The following CDH18 variants were observed in gnomAD, a reference collection of about 807,000 sequenced individuals.
CDH18 encodes the protein cadherin-18.
In CDH18, 31 loss-of-function variants were observed where a neutral mutation model predicts 67.9. That is an observed-to-expected ratio of 0.46 (90% CI 0.34 to 0.62). The LOEUF is 0.62. CDH18 is among the 20% of genes least tolerant of loss of function. The pLI is 0.01. For missense variants in CDH18, 890 were observed against 975.5 expected (o/e 0.91, Z 1.17); for synonymous variants, 362 against 347.2 (o/e 1.04, Z -0.48).
chr5:19,765,305 A>G (rs922994033), intron 3 of CDH18, among the ~76,000 whole-genome samples: 2 of 152,212 alleles, frequency 1.3e-5, no homozygotes, highest in African/African-American at 4.8e-5. Context: ...TGATATTCCA[A>G]TAAAGGCATT....
At chr5:20,303,583 G>T (rs1295981208) in intron 1 of CDH18, among the ~76,000 whole-genome samples, 1 of 152,042 alleles carries the variant, frequency 6.6e-6, no homozygotes, top group Admixed American at 6.6e-5. Context: ...GGTTCATTTG[G>T]TAACAACAAG....
At chr5:19,698,683 A>T (rs1211481329) in intron 5 of CDH18, among the ~76,000 whole-genome samples, 3 of 152,194 alleles carry the variant, frequency 2.0e-5, no homozygotes, top group East Asian at 3.9e-4. Flanking sequence ...TCTGTATGTG[A>T]ATTAAAAATA....
intron 1 of CDH18, chr5:20,305,983 T>A (rs1346693050): frequency 1.3e-5 from 2 of 155,808 alleles, no homozygotes; most frequent in Non-Finnish European, 1.4e-5. Context: ...TTACTGTAGC[T>A]GCATATATAT....
At chr5:20,113,882 G>A (rs1747679418) in intron 2 of CDH18, among the ~76,000 whole-genome samples, 1 of 152,142 alleles carries the variant, frequency 6.6e-6, no homozygotes, top group Non-Finnish European at 1.5e-5. Context: ...AAAAAATTTT[G>A]AGGCAAAAGA....
intron 2 of CDH18, among the ~76,000 whole-genome samples, chr5:19,949,439 T>A (rs916540303): frequency 2.6e-5 from 4 of 152,170 alleles, no homozygotes; most frequent in African/African-American, 9.6e-5. Context: ...TAAAGCAGAC[T>A]GTGCCCTCAC....
intron 1 of CDH18, among the ~76,000 whole-genome samples, chr5:20,441,136 A>G (rs1749577089): frequency 6.6e-6 from 1 of 151,408 alleles, no homozygotes; most frequent in Admixed American, 6.6e-5. Flanking sequence ...TTTTGTTTTT[A>G]CAAAGTTGTT....
rs566673105 is a variant in CDH18 at position 20,494,865 on chromosome 5, G to A, written c.-580+80597C>T. ...AGGAAAGGAGCAGAAGGGAAAACAT[G>A]CTGACATGCTATTTTAATTGTCCAC... On this transcript the variant is annotated intron_variant, in intron 1 of 14. Coordinates refer to the CDH18 transcript ENST00000507958. Among the ~76,000 whole-genome samples, 22 of 152,260 alleles carry A rather than the reference G, an allele frequency of 1.4e-4. No individual in the cohort carries two copies. In the South Asian group the frequency reaches 3.7e-3, roughly 26 times the overall value.
intron 2 of CDH18, among the ~76,000 whole-genome samples, chr5:20,031,130 A>G (rs1739356372): frequency 6.6e-6 from 1 of 152,084 alleles, no homozygotes; most frequent in Non-Finnish European, 1.5e-5. Context: ...TTTTTAGCAG[A>G]AAGTTATAGA....
intron 1 of CDH18, among the ~76,000 whole-genome samples, chr5:20,383,105 T>C (rs1291311981): frequency 6.6e-6 from 1 of 152,186 alleles, no homozygotes; most frequent in African/African-American, 2.4e-5. Context: ...GTAATATTAG[T>C]GATATTTCTT....
chr5:19,771,073 C>T, intron 3 of CDH18, among the ~76,000 whole-genome samples: 1 of 152,066 alleles, frequency 6.6e-6, no homozygotes, highest in East Asian at 1.9e-4. Context: ...TTTTGGGGTA[C>T]TTGGGTGAAG....
intron 1 of CDH18, among the ~76,000 whole-genome samples, chr5:20,490,101 C>G (rs1000559528): frequency 6.6e-6 from 1 of 150,600 alleles, no homozygotes; most frequent in African/African-American, 2.4e-5. Context: ...ATTAATAATA[C>G]TAATTAATAA....
chr5:19,545,393 A>G (rs965324993), intron 8 of CDH18, among the ~76,000 whole-genome samples: 2 of 152,204 alleles, frequency 1.3e-5, no homozygotes, highest in African/African-American at 4.8e-5. Flanking sequence ...ATCTTTTGTG[A>G]AAGCAATGGC....
At chr5:19,541,924 G>A (rs1042351774) in intron 9 of CDH18, among the ~76,000 whole-genome samples, 10 of 151,690 alleles carry the variant, frequency 6.6e-5, no homozygotes, top group African/African-American at 2.2e-4. Context: ...TTATTTAACC[G>A]CCATTTAATT....
chr5:19,937,391 G>T (rs1256128623), intron 2 of CDH18, among the ~76,000 whole-genome samples: 6 of 151,318 alleles, frequency 4.0e-5, no homozygotes, highest in Non-Finnish European at 7.4e-5. Flanking sequence ...TTTACATATG[G>T]CCCTGATGTG....
intron 2 of CDH18, among the ~76,000 whole-genome samples, chr5:20,105,398 T>C (rs552862557): frequency 6.6e-6 from 1 of 152,350 alleles, no homozygotes; most frequent in East Asian, 1.9e-4. Flanking sequence ...TGTTAGACAC[T>C]GAATGTTGTA....
chr5:19,475,414 A>G (rs808822), intron 12 of CDH18, among the ~76,000 whole-genome samples: 64,067 of 151,770 alleles, frequency 0.42, 13,936 homozygotes, highest in African/African-American at 0.51. Context: ...TATAATAAAG[A>G]TATAAAGAAT....
At chr5:20,371,523 C>A (rs1278329001) in intron 1 of CDH18, among the ~76,000 whole-genome samples, 1 of 152,000 alleles carries the variant, frequency 6.6e-6, no homozygotes, top group African/African-American at 2.4e-5. Flanking sequence ...ATCAGAGTAG[C>A]ACATTTGTGA....
At chr5:19,483,613 T>G in intron 11 of CDH18, 61 bp from the exon 12 acceptor site, 1 of 1,499,750 alleles carries the variant, frequency 6.7e-7, no homozygotes, top group East Asian at 2.3e-5. Flanking sequence ...AGATTCACAT[T>G]TCCTTTAATG....
At chr5:20,525,889 A>G (rs1335537443) in intron 1 of CDH18, among the ~76,000 whole-genome samples, 1 of 152,044 alleles carries the variant, frequency 6.6e-6, no homozygotes, top group Non-Finnish European at 1.5e-5. Flanking sequence ...ATATTTTATG[A>G]CTCAAAAGTT....
Sources: allele counts gnomAD v4.1 joint callset (sites outside exome capture counted in the v4.1 genomes callset), GRCh38; gene constraint gnomAD v4.1.1; transcripts MANE v1.5; gene names NCBI Gene and HGNC (gene_info 2026-07-23, HGNC 2026-07-21).